IL3RA: variants seen among roughly 807,000 people sequenced by gnomAD.
IL3RA encodes the protein interleukin-3 receptor subunit alpha.
In IL3RA, 73 loss-of-function variants were observed where a neutral mutation model predicts 52.3. That is an observed-to-expected ratio of 1.40 (90% CI 1.16 to 1.70). IL3RA has a LOEUF of 1.70. IL3RA is among the 40% of genes most tolerant of loss of function. IL3RA has a pLI of 0.00. For missense variants in IL3RA, 664 were observed against 504.4 expected, an observed-to-expected ratio of 1.32 and a Z score of -3.03; for synonymous variants, 260 against 194.0, an observed-to-expected ratio of 1.34 and a Z score of -2.83.
chrX:1,382,331 G>C, intron 11 of IL3RA, 60 bp from the exon 12 acceptor site: 1 of 1,146,052 alleles, frequency 8.7e-7, no homozygotes, highest in Non-Finnish European at 1.2e-6. Context: ...CGCAGATCAG[G>C]ACGTGGGCTC....
intron 8 of IL3RA, among the ~76,000 whole-genome samples, chrX:1,361,758 A>G (rs2087408660): frequency 9.7e-6 from 1 of 102,930 alleles, no homozygotes; most frequent in African/African-American, 3.8e-5. Flanking sequence ...GTCTCGAGAA[A>G]AAAAAAAAAA....
chrX:1,359,695 TCTCC>T (rs1421850516), intron 8 of IL3RA, among the ~76,000 whole-genome samples: 6 of 149,872 alleles, frequency 4.0e-5, no homozygotes, highest in Non-Finnish European at 8.9e-5. Flanking sequence ...TTTCTCCCTT[TCTCC>T]CTCCATCTCT....
At chrX:1,355,413 A>AGGG (rs1195988558) in intron 6 of IL3RA, among the ~76,000 whole-genome samples, 3 of 78,798 alleles carry the variant, frequency 3.8e-5, no homozygotes, top group African/African-American at 2.0e-4. Context: ...GTAGGAGCGG[A>AGGG]GGGGGAGGAG....
chrX:1,374,064 C>G lies in IL3RA; in HGVS notation c.875-4595C>G, dbSNP rs1294588867. On this transcript the variant is annotated intron_variant, in intron 9 of 11. Coordinates refer to ENST00000331035, the MANE Select transcript of IL3RA (RefSeq NM_002183.4). ...CACAGACACACACGGAGGGACGACC[C>G]TGTGGGACACAGGGAGAAGACGGCG... 1.6e-4 allele frequency among the ~76,000 whole-genome samples: 9 copies of G among 55,326 alleles called. 3 individuals carry two copies. The highest frequency in any genetic ancestry group is 2.6e-4 in the Non-Finnish European group (9 of 34,594). The allele number at this position is 55,326 out of a possible 152,430, so 36.3% of individuals were successfully genotyped here. A position where few individuals can be genotyped will look rare whatever the true frequency, so the allele number is the denominator to read the frequency against.
At chrX:1,377,032 G>A (rs1190950998) in intron 9 of IL3RA, among the ~76,000 whole-genome samples, 2 of 148,258 alleles carry the variant, frequency 1.3e-5, no homozygotes, top group East Asian at 2.1e-4. Context: ...AGCAGCCTGA[G>A]ATGGACTAAG....
chrX:1,381,107 A>G lies in IL3RA; in HGVS notation c.1062+3A>G. On this transcript the variant is annotated splice_donor_region_variant and intron_variant, in intron 11 of 11. Transcript: ENST00000331035. ...ACAGCTTCCAAAACGACAAGCTGGT[A>G]TGTTGTTTTTTCTGCCTTGGGACGG... 6.2e-7 allele frequency: 1 copy of G among 1,613,690 alleles called. No homozygotes were observed. The highest frequency in any genetic ancestry group is 1.7e-4 in the Middle Eastern group (1 of 6,056).
At chrX:1,360,779 C>T (rs1383706495) in intron 8 of IL3RA, among the ~76,000 whole-genome samples, 2 of 151,908 alleles carry the variant, frequency 1.3e-5, no homozygotes, top group Admixed American at 1.3e-4. Context: ...CCACCTGCCT[C>T]ATCCTCTCAA....
intron 4 of IL3RA, among the ~76,000 whole-genome samples, chrX:1,349,187 C>CTTT (rs763387173): frequency 2.9e-4 from 40 of 139,796 alleles, no homozygotes; most frequent in African/African-American, 1.0e-3. Flanking sequence ...TTTTAAACAC[C>CTTT]TTTTTTTTTT....
At chrX:1,337,839 A>C (rs1169144228) in intron 1 of IL3RA, among the ~76,000 whole-genome samples, 2 of 151,448 alleles carry the variant, frequency 1.3e-5, no homozygotes, top group African/African-American at 4.9e-5. Flanking sequence ...AAGCAGCTTT[A>C]TTCACAATAG....
intron 7 of IL3RA, among the ~76,000 whole-genome samples, chrX:1,356,766 C>T (rs1425873740): frequency 3.4e-5 from 5 of 147,398 alleles, no homozygotes; most frequent in African/African-American, 7.5e-5. Flanking sequence ...AGCGAGACTC[C>T]GTCTCAAAAA....
At chrX:1,344,630 G>A (rs1274376916) in intron 2 of IL3RA, among the ~76,000 whole-genome samples, 28 of 149,358 alleles carry the variant, frequency 1.9e-4, no homozygotes, top group Admixed American at 7.4e-4. Context: ...AAAATTAGCC[G>A]GGCGTGGTGG....
At position 1,360,083 on chromosome X, in the gene IL3RA, TTCTC is replaced by T. The variant is rs1360444854; in HGVS notation, c.759+1205_759+1208del. ...TCTCTCTCCCTTTCTCCCTCCATCTTTCTCTCTCTCTCCCGGTCTCTATCTCCCC... is the reference window on the plus strand; with the variant it reads ...TCTCTCTCCCTTTCTCCCTCCATCTTTCTCTCTCCCGGTCTCTATCTCCCC... On this transcript the variant is annotated intron_variant, in intron 8 of 11. Coordinates refer to ENST00000331035, the MANE Select transcript of IL3RA (RefSeq NM_002183.4). Among the ~76,000 whole-genome samples the T allele has an allele frequency of 3.6e-5, 4 of 110,576 alleles. No individual in the cohort carries two copies. The Admixed American group carries it at 3.7e-4, about 10-fold the overall frequency. 72.5% of individuals were successfully genotyped at this position (110,576 alleles called of 152,430 possible).
At position 1,365,344 on chromosome X, in the gene IL3RA, TGA is replaced by T. The variant is rs1569526190; in HGVS notation, c.874+94_874+95del. ...CGCGGGGTGAGCGGGGTGCGCGGGG[TGA>T]GCGGGGTGAGCGGGGTGAGCCGGGT... is the stretch of plus-strand genomic sequence containing the variant. On this transcript the variant is annotated intron_variant, in intron 9 of 11. Transcript: ENST00000331035. 2.1e-4 allele frequency: 82 copies of T among 394,180 alleles called. 1 individual carries two copies. In the African/African-American group the frequency reaches 3.0e-3, roughly 15 times the overall value. The allele number at this position is 394,180 out of a possible 1,614,324, so 24.4% of individuals were successfully genotyped here.
intron 6 of IL3RA, among the ~76,000 whole-genome samples, chrX:1,354,022 CCTCATCATGGGT>C (rs1459669293): frequency 8.4e-5 from 12 of 142,194 alleles, no homozygotes; most frequent in Non-Finnish European, 1.5e-4. Flanking sequence ...TCATGGAATC[CCTCATCATGGGT>C]CTCATCATGG....
intron 2 of IL3RA, among the ~76,000 whole-genome samples, chrX:1,345,013 A>C (rs1355867305): frequency 9.5e-5 from 14 of 146,954 alleles, no homozygotes; most frequent in Non-Finnish European, 1.8e-4. Flanking sequence ...ATACAAAAAA[A>C]AAAAAATTAG....
intron 3 of IL3RA, among the ~76,000 whole-genome samples, chrX:1,346,874 C>T (rs1263232478): frequency 6.6e-6 from 1 of 151,172 alleles, no homozygotes; most frequent in Non-Finnish European, 1.5e-5. Context: ...CAAATCACGG[C>T]CCTTCATGCG....
chrX:1,355,080 A>AGGG (rs1556625521), intron 6 of IL3RA, among the ~76,000 whole-genome samples: 1 of 10,356 alleles, frequency 9.7e-5, no homozygotes, highest in African/African-American at 6.0e-4. Context: ...GGGGAGGAAA[A>AGGG]AGGAGGGGCA....
In IL3RA at chrX:1,356,351, C is replaced by A; in HGVS notation, c.732+15C>A. ...AGATACAAAAGGTAAACTTTCACCCCGCCCCCAGCCCCCCCACCCCCGTGG... is the reference window on the plus strand; with the variant it reads ...AGATACAAAAGGTAAACTTTCACCCAGCCCCCAGCCCCCCCACCCCCGTGG... On this transcript the variant is annotated intron_variant, in intron 7 of 11. Coordinates refer to ENST00000331035, the MANE Select transcript of IL3RA (RefSeq NM_002183.4). 6.5e-7 allele frequency: 1 copy of A among 1,546,786 alleles called. No homozygotes were observed. Among genetic ancestry groups the A allele is most frequent in the Non-Finnish European group, 8.9e-7 (1 of 1,121,670 alleles).
At chrX:1,353,639 CAT>C (rs2086322766) in intron 6 of IL3RA, among the ~76,000 whole-genome samples, 1 of 32,542 alleles carries the variant, frequency 3.1e-5, no homozygotes, top group South Asian at 9.3e-4. Context: ...CCCCCCCCAT[CAT>C]GGGTTCCATC....
Sources: gnomAD v4.1 joint callset for allele counts (sites outside exome capture counted in the v4.1 genomes callset) on GRCh38, gnomAD v4.1.1 for gene constraint, MANE v1.5 for transcripts, NCBI Gene and HGNC (gene_info 2026-07-23, HGNC 2026-07-21) for gene names.